DNAH5: variants seen among roughly 807,000 people sequenced by gnomAD.
DNAH5 encodes the protein axonemal beta dynein heavy chain 5.
DNAH5 carries 372 observed loss-of-function variants against 518.2 expected under a neutral mutation model. The ratio of observed to expected loss-of-function variants is 0.72; its 90% CI spans 0.66 to 0.78. DNAH5 has a LOEUF of 0.78. Among genes scored for constraint, DNAH5 ranks in the 30% least tolerant of loss-of-function variants. The probability of loss-of-function intolerance (pLI) is 0.00; values close to 1 mark genes in which losing one functional copy is unlikely to be tolerated. For synonymous variants in DNAH5, 2,039 were observed against 2,025.9 expected (o/e 1.01, Z -0.17); for missense variants, 5,523 against 5,687.0 (o/e 0.97, Z 0.93).
At chr5:13,906,589 G>A (rs147871715) in intron 12 of DNAH5, among the ~76,000 whole-genome samples, 20 of 152,138 alleles carry the variant, frequency 1.3e-4, no homozygotes, top group East Asian at 5.8e-4. Flanking sequence ...ACTAGGCCAC[G>A]GAGGACATCT....
At chr5:13,979,056 G>A (rs1011043610) in intron 1 of DNAH5, among the ~76,000 whole-genome samples, 1 of 151,934 alleles carries the variant, frequency 6.6e-6, no homozygotes, top group Non-Finnish European at 1.5e-5. Context: ...CATTTACACA[G>A]ACACCCTAGT....
intron 31 of DNAH5, among the ~76,000 whole-genome samples, chr5:13,848,260 G>A (rs1028657753): frequency 6.6e-6 from 1 of 152,138 alleles, no homozygotes; most frequent in African/African-American, 2.4e-5. Flanking sequence ...CTTGCAAATG[G>A]TTTTGCTTTA....
At chr5:13,907,024 C>T (rs964177095) in intron 12 of DNAH5, among the ~76,000 whole-genome samples, 1 of 152,208 alleles carries the variant, frequency 6.6e-6, no homozygotes, top group Non-Finnish European at 1.5e-5. Flanking sequence ...AGATTAACAT[C>T]TCCAAAGCTG....
chr5:13,920,294 C>T (rs1777109184), intron 6 of DNAH5, among the ~76,000 whole-genome samples, 186 bp downstream of exon 6: 1 of 152,230 alleles, frequency 6.6e-6, no homozygotes, highest in South Asian at 2.1e-4. Flanking sequence ...TCTTTCATTT[C>T]TTAGAATTCT....
intron 65 of DNAH5, 142 bp downstream of exon 65, chr5:13,750,936 A>C (rs1183291758): frequency 1.1e-6 from 1 of 931,204 alleles, no homozygotes; most frequent in East Asian, 2.6e-5. Flanking sequence ...AAAAAAAGAA[A>C]ACACTTGGAG....
intron 65 of DNAH5, among the ~76,000 whole-genome samples, chr5:13,748,702 A>G (rs1749775270): frequency 6.6e-6 from 1 of 152,132 alleles, no homozygotes; most frequent in Non-Finnish European, 1.5e-5. Flanking sequence ...GTGTATAAGA[A>G]TGCTTGTGAT....
At chr5:13,847,224 A>G (rs1351277311) in intron 31 of DNAH5, among the ~76,000 whole-genome samples, 1 of 152,114 alleles carries the variant, frequency 6.6e-6, no homozygotes, top group East Asian at 1.9e-4. Flanking sequence ...TTGTATAAAT[A>G]TGATTTCTCA....
At chr5:13,732,160 G>C (rs1222682468) in intron 68 of DNAH5, among the ~76,000 whole-genome samples, 1 of 151,382 alleles carries the variant, frequency 6.6e-6, no homozygotes, top group Non-Finnish European at 1.5e-5. Context: ...TGTGGCTATT[G>C]GGCTTAAAAG....
intron 1 of DNAH5, among the ~76,000 whole-genome samples, chr5:13,941,983 A>T (rs553702366): frequency 6.6e-6 from 1 of 152,340 alleles, no homozygotes; most frequent in African/African-American, 2.4e-5. Context: ...TGGGGAAGTA[A>T]AGAAAAACAG....
At chr5:13,873,886 T>C (rs1024729911) in intron 22 of DNAH5, among the ~76,000 whole-genome samples, 1 of 152,310 alleles carries the variant, frequency 6.6e-6, no homozygotes, top group South Asian at 2.1e-4. Flanking sequence ...TACATCTGCA[T>C]GAAAAACAAA....
intron 71 of DNAH5, among the ~76,000 whole-genome samples, chr5:13,719,498 A>T (rs1744755103): frequency 6.6e-6 from 1 of 152,220 alleles, no homozygotes; most frequent in Non-Finnish European, 1.5e-5. Flanking sequence ...TGACAGAGAG[A>T]GTGAAGGCAT....
At chr5:13,834,160 C>A (rs1214873879) in intron 35 of DNAH5, among the ~76,000 whole-genome samples, 1 of 152,120 alleles carries the variant, frequency 6.6e-6, no homozygotes, top group Admixed American at 6.5e-5. Flanking sequence ...TTAGGGTAAA[C>A]AGACAAACTT....
intron 75 of DNAH5, 130 bp downstream of exon 75, chr5:13,714,275 A>C: frequency 1.0e-6 from 1 of 966,952 alleles, no homozygotes; most frequent in East Asian, 2.5e-5. Flanking sequence ...GTTCTTTAAG[A>C]AGCTGGTTTT....
chr5:13,872,843 T>A (rs570544185), intron 22 of DNAH5, among the ~76,000 whole-genome samples: 3 of 152,228 alleles, frequency 2.0e-5, no homozygotes, highest in Admixed American at 2.0e-4. Context: ...CTACCACCTG[T>A]CTTAAGAATA....
intron 52 of DNAH5, among the ~76,000 whole-genome samples, chr5:13,783,306 T>C (rs928931695): frequency 6.6e-6 from 1 of 152,092 alleles, no homozygotes; most frequent in Admixed American, 6.5e-5. Flanking sequence ...TAGGGCTTAT[T>C]TGGGGGACTT....
Position 13,917,187 on chromosome 5 carries a change from A to G in DNAH5, c.1045T>C (p.Tyr349His). Residue 349 changes from tyrosine (Y) to histidine (H), a missense_variant, in exon 8 of 79, where the codon TAT becomes CAT. Around this residue, in one of 3 missense-constraint regions of DNAH5, gnomAD observed 5,121 missense variants for 5,223.3 expected, o/e 0.98. Coordinates refer to ENST00000265104, the MANE Select transcript of DNAH5 (RefSeq NM_001369.3). ...GGGTCACAACATTTTTCAAGTGTAT[A>G]CAAGTATTTCACATTGTCCTTTGCT... is the stretch of plus-strand genomic sequence containing the variant. ...NEAKDNVKYLYTLEKCCDPLY... is the reference protein window; with the variant it reads ...NEAKDNVKYLHTLEKCCDPLY... The G allele has an allele frequency of 6.2e-7, 1 of 1,614,064 alleles. No homozygotes were observed. Among genetic ancestry groups the G allele is most frequent in the Non-Finnish European group, 8.5e-7 (1 of 1,179,972 alleles).
At chr5:13,733,367 A>G (rs902300237) in intron 68 of DNAH5, among the ~76,000 whole-genome samples, 4 of 152,190 alleles carry the variant, frequency 2.6e-5, no homozygotes, top group African/African-American at 9.7e-5. Context: ...AGTTATTTCT[A>G]TGTGGAAATA....
At chr5:13,928,298 T>C in intron 2 of DNAH5, 120 bp from the exon 3 acceptor site, 2 of 696,638 alleles carry the variant, frequency 2.9e-6, no homozygotes, top group Non-Finnish European at 5.1e-6. Context: ...CAAACAGGAC[T>C]GCATCTAATG....
chr5:13,908,075 T>C (rs1334403371), intron 12 of DNAH5, among the ~76,000 whole-genome samples: 1 of 152,096 alleles, frequency 6.6e-6, no homozygotes, highest in Non-Finnish European at 1.5e-5. Context: ...GGGTGGGGGA[T>C]GGGTAAGCCG....
Sources: gnomAD v4.1 joint callset for allele counts (sites outside exome capture counted in the v4.1 genomes callset) on GRCh38, gnomAD v4.1.1 for gene constraint, gnomAD v4.1.1 regional missense constraint, MANE v1.5 for transcripts, NCBI Gene and HGNC (gene_info 2026-07-23, HGNC 2026-07-21) for gene names.